CTNNA2: variants seen among roughly 807,000 people sequenced by gnomAD.
CTNNA2 encodes the protein catenin alpha-2.
In CTNNA2, 42 loss-of-function variants were observed where a neutral mutation model predicts 101.0. That is an observed-to-expected ratio of 0.42 (90% CI 0.32 to 0.54). CTNNA2 has a LOEUF of 0.54. Ranked by LOEUF, CTNNA2 falls within the 20% of genes least tolerant of loss-of-function variation. The probability of loss-of-function intolerance (pLI) is 0.14; values close to 1 mark genes in which losing one functional copy is unlikely to be tolerated. For synonymous variants in CTNNA2, 450 were observed against 456.4 expected, an observed-to-expected ratio of 0.99 and a Z score of 0.18; for missense variants, 871 against 1,223.1, an observed-to-expected ratio of 0.71 and a Z score of 4.29.
At chr2:79,297,705 C>T (rs1252517035) in intron 2 of CTNNA2, among the ~76,000 whole-genome samples, 3 of 152,290 alleles carry the variant, frequency 2.0e-5, no homozygotes, top group East Asian at 1.9e-4. Context: ...AATCTTTCAT[C>T]TACTCATTGC....
chr2:80,158,105 G>C (rs895669662), intron 7 of CTNNA2, among the ~76,000 whole-genome samples: 1 of 152,104 alleles, frequency 6.6e-6, no homozygotes, highest in Non-Finnish European at 1.5e-5. Context: ...ACTTCAGTGT[G>C]GTGCTATTGA....
intron 2 of CTNNA2, among the ~76,000 whole-genome samples, chr2:79,251,004 G>T (rs913312776): frequency 2.6e-5 from 4 of 152,146 alleles, no homozygotes; most frequent in Non-Finnish European, 4.4e-5. Flanking sequence ...TTTACTCTGA[G>T]ATCAAAGTAC....
chr2:79,418,999 C>T (rs1000165929), intron 4 of CTNNA2, among the ~76,000 whole-genome samples: 1 of 152,096 alleles, frequency 6.6e-6, no homozygotes, highest in Non-Finnish European at 1.5e-5. Context: ...ATTGGATGCT[C>T]TCCTTTGAAT....
intron 7 of CTNNA2, among the ~76,000 whole-genome samples, chr2:80,179,223 C>T (rs756593056): frequency 3.9e-5 from 6 of 152,206 alleles, no homozygotes; most frequent in Admixed American, 1.3e-4. Context: ...ACATCTGGTA[C>T]AGCAGATGCA....
chr2:79,829,609 AGT>A (rs1678749822), intron 3 of CTNNA2, among the ~76,000 whole-genome samples: 1 of 151,880 alleles, frequency 6.6e-6, no homozygotes, highest in African/African-American at 2.4e-5. Flanking sequence ...TCCCCTATAA[AGT>A]GTCTTTTATT....
intron 2 of CTNNA2, among the ~76,000 whole-genome samples, chr2:79,680,658 G>A (rs1006994324): frequency 6.6e-6 from 1 of 152,142 alleles, no homozygotes; most frequent in Non-Finnish European, 1.5e-5. Context: ...CATCAGTGAG[G>A]TACTATTGAT....
chr2:79,994,260 A>G (rs1233401155), intron 7 of CTNNA2, among the ~76,000 whole-genome samples: 1 of 152,158 alleles, frequency 6.6e-6, no homozygotes, highest in Non-Finnish European at 1.5e-5. Context: ...GTTCCTTAAA[A>G]CTTTGTCTTC....
intron 2 of CTNNA2, among the ~76,000 whole-genome samples, chr2:79,705,318 AAGAG>A (rs1216357944): frequency 6.6e-6 from 1 of 152,216 alleles, no homozygotes; most frequent in Non-Finnish European, 1.5e-5. Flanking sequence ...GAGAGCGAGA[AAGAG>A]AGACACCACA....
intron 9 of CTNNA2, among the ~76,000 whole-genome samples, chr2:80,517,671 A>G (rs931007275): frequency 2.6e-5 from 4 of 152,250 alleles, no homozygotes; most frequent in Non-Finnish European, 4.4e-5. Context: ...GAGAATGTCT[A>G]GAGCCGAGAG....
intron 7 of CTNNA2, among the ~76,000 whole-genome samples, chr2:80,341,080 G>A (rs1006992699): frequency 1.4e-4 from 22 of 152,302 alleles, no homozygotes; most frequent in African/African-American, 5.3e-4. Context: ...TCTCTGTGGA[G>A]TTGGGGTGCA....
chr2:79,436,865 T>A (rs1163940813), intron 4 of CTNNA2, among the ~76,000 whole-genome samples: 1 of 152,006 alleles, frequency 6.6e-6, no homozygotes, highest in Non-Finnish European at 1.5e-5. Flanking sequence ...TCTCCTGACC[T>A]TGTGATCCAC....
At chr2:80,551,669 A>G (rs1278300892) in intron 11 of CTNNA2, among the ~76,000 whole-genome samples, 1 of 152,180 alleles carries the variant, frequency 6.6e-6, no homozygotes, top group Non-Finnish European at 1.5e-5. Flanking sequence ...AGAATTAAAG[A>G]GCATTAGGAT....
chr2:79,520,463 A>G (rs1433126147), intron 1 of CTNNA2, among the ~76,000 whole-genome samples: 1 of 152,214 alleles, frequency 6.6e-6, no homozygotes, highest in East Asian at 1.9e-4. Flanking sequence ...ATCCCTTAGG[A>G]CCCAAAAAGC....
At chr2:79,808,787 A>G (rs1056638220) in intron 3 of CTNNA2, among the ~76,000 whole-genome samples, 7 of 128,382 alleles carry the variant, frequency 5.5e-5, no homozygotes, top group Non-Finnish European at 9.4e-5. Flanking sequence ...CATCTTTGTC[A>G]TCATCTTTTT....
rs1272911438 is a variant in CTNNA2, at chr2:79,874,296, G to A, written c.806G>A (p.Gly269Asp). 6.2e-7 allele frequency: 1 copy of A among 1,614,034 alleles called. No homozygotes were observed. The highest frequency in any genetic ancestry group is 1.1e-5 in the South Asian group (1 of 91,066). The change falls in exon 6 of 19, where the codon GGC becomes GAC. Residue 269 changes from glycine to aspartate, a missense_variant. By Grantham distance (94) the Gly-to-Asp change is moderately conservative. Transcript: ENST00000402739. ...QATSPTDEAK[G>D]HTGIGELAAA... ...ACCTCGCCCACTGACGAAGCCAAGGGCCACACGGGCATCGGCGAGCTGGCT... is the reference window on the plus strand; with the variant it reads ...ACCTCGCCCACTGACGAAGCCAAGGACCACACGGGCATCGGCGAGCTGGCT...
At chr2:79,287,449 C>T (rs948171250) in intron 2 of CTNNA2, among the ~76,000 whole-genome samples, 14 of 152,082 alleles carry the variant, frequency 9.2e-5, no homozygotes, top group Non-Finnish European at 1.5e-4. Flanking sequence ...GATGTCCTTT[C>T]TGTTTGTTAG....
chr2:79,583,206 CATAT>C (rs564813016), intron 1 of CTNNA2, among the ~76,000 whole-genome samples: 1 of 149,290 alleles, frequency 6.7e-6, no homozygotes. Flanking sequence ...GATATACACA[CATAT>C]ATATATATAT....
chr2:79,897,577 T>A (rs1379926988), intron 6 of CTNNA2, among the ~76,000 whole-genome samples: 1 of 152,212 alleles, frequency 6.6e-6, no homozygotes, highest in Non-Finnish European at 1.5e-5. Flanking sequence ...GATTCATTCC[T>A]GTTTTTCAAA....
intron 9 of CTNNA2, among the ~76,000 whole-genome samples, chr2:80,516,398 C>T (rs1458058192): frequency 6.6e-6 from 1 of 152,148 alleles, no homozygotes; most frequent in Non-Finnish European, 1.5e-5. Flanking sequence ...GGTACCTGTG[C>T]AGGCCAGGGT....
Sources: gnomAD v4.1 joint callset for allele counts (sites outside exome capture counted in the v4.1 genomes callset) on GRCh38, gnomAD v4.1.1 for gene constraint, MANE v1.5 for transcripts, NCBI Gene and HGNC (gene_info 2026-07-23, HGNC 2026-07-21) for gene names.